The following NLRP13 variants were observed in gnomAD, a reference collection of about 807,000 sequenced individuals.
NLRP13 encodes the protein NLR family pyrin domain containing 13.
In NLRP13, 82 loss-of-function variants were observed where a neutral mutation model predicts 94.4. That is an observed-to-expected ratio of 0.87 (90% CI 0.73 to 1.04). NLRP13 has a LOEUF of 1.04. Among genes scored for constraint, NLRP13 ranks in the 50% least tolerant of loss-of-function variants. The pLI is 0.00. For missense variants in NLRP13, 1,426 were observed against 1,230.8 expected (o/e 1.16, Z -2.37); for synonymous variants, 553 against 464.7 (o/e 1.19, Z -2.45).
At chr19:55,898,644 T>G (rs302826) in intron 10 of NLRP13, 126 bp downstream of exon 10, 7 of 1,031,248 alleles carry the variant, frequency 6.8e-6, no homozygotes, top group African/African-American at 3.3e-5. Context: ...CACACCTGGG[T>G]GAGATTTCTT....
At chr19:55,926,564 C>A (rs982816679) in intron 1 of NLRP13, among the ~76,000 whole-genome samples, 1 of 152,162 alleles carries the variant, frequency 6.6e-6, no homozygotes, top group Non-Finnish European at 1.5e-5. Context: ...TTACTCCCCC[C>A]AGGCTCCATA....
chr19:55,896,343 T>TTTAATA (rs1358272578), intron 10 of NLRP13, among the ~76,000 whole-genome samples: 5 of 151,396 alleles, frequency 3.3e-5, no homozygotes, highest in Non-Finnish European at 7.4e-5. Context: ...GGCAACATGG[T>TTTAATA]GAAACCCCAT....
chr19:55,928,498 C>T (rs1045747157), intron 1 of NLRP13, among the ~76,000 whole-genome samples: 1 of 152,134 alleles, frequency 6.6e-6, no homozygotes, highest in Non-Finnish European at 1.5e-5. Context: ...GTGACTATTA[C>T]CCAATGCATG....
At chr19:55,902,264 T>TTTTTCTGA in intron 8 of NLRP13, 59 bp from the exon 9 acceptor site, 1 of 1,507,770 alleles carries the variant, frequency 6.6e-7, no homozygotes, top group Non-Finnish European at 9.1e-7. Context: ...CCCAGGCTCC[T>TTTTTCTGA]GGAACAGAGC....
At chr19:55,896,820 C>CAAAAAAAAAAAA (rs3073244) in intron 10 of NLRP13, among the ~76,000 whole-genome samples, 1 of 80,914 alleles carries the variant, frequency 1.2e-5, no homozygotes, top group Non-Finnish European at 2.5e-5. Flanking sequence ...CTCCATCTCA[C>CAAAAAAAAAAAA]AAAAAAAAAA....
rs201596702 is a variant in NLRP13 at position 55,902,124 on chromosome 19, C to T, written c.2700G>A (p.Leu900=). ...ALLQNRSLTH[L]NLSKNSLRDE... is the part of the protein sequence containing the mutation. ...CTCTCAGGCTGTTCTTGCTCAGATT[C>T]AGGTGTGTCAGGCTCCTGTTCTGCA... Residue 900 remains leucine, a synonymous_variant, in exon 9 of 11, where the codon CTG becomes CTA. Coordinates refer to ENST00000342929, the MANE Select transcript of NLRP13 (RefSeq NM_176810.2). The T allele has an allele frequency of 2.9e-5, 47 of 1,614,126 alleles. No individual in the cohort carries two copies. Among genetic ancestry groups the T allele is most frequent in the Non-Finnish European group, 3.9e-5 (46 of 1,180,014 alleles).
At chr19:55,929,815 T>A (rs1172645883) in intron 1 of NLRP13, among the ~76,000 whole-genome samples, 2 of 150,764 alleles carry the variant, frequency 1.3e-5, no homozygotes, top group African/African-American at 4.9e-5. Context: ...AAAGATAAAA[T>A]CAGAAATCAA....
chr19:55,924,964 C>G lies in NLRP13; in HGVS notation c.388+3G>C. The G allele has an allele frequency of 6.2e-7, 1 of 1,613,678 alleles. No homozygotes were observed. The highest frequency in any genetic ancestry group is 8.5e-7 in the Non-Finnish European group (1 of 1,179,564). ...CATTATCAACTTAAAGTAGTGTACACACCTGCTGCTGCTTCTAGCATCTCT... is the reference window on the plus strand; with the variant it reads ...CATTATCAACTTAAAGTAGTGTACAGACCTGCTGCTGCTTCTAGCATCTCT... On this transcript the variant is annotated splice_donor_region_variant and intron_variant, in intron 2 of 10. Transcript: ENST00000342929.
At position 55,913,200 on chromosome 19, in the gene NLRP13, T is replaced by C; in HGVS notation, c.617A>G (p.Asn206Ser). ...TTCCTCATGTTCGTCCTTTGATGTA[T>C]TACGGATATATACGTGGTCTTTAGG... The part of the protein sequence containing the change: ...SWPKDHVYIR[N>S]TSKDEHEELQ... The change falls in exon 5 of 11, where the codon AAT (asparagine) becomes AGT (serine). Residue 206 changes from asparagine (N) to serine (S), a missense_variant. By Grantham distance (46) the Asn-to-Ser change is conservative. Coordinates refer to ENST00000342929, the MANE Select transcript of NLRP13 (RefSeq NM_176810.2). The C allele has an allele frequency of 1.2e-6, 2 of 1,614,074 alleles. No homozygotes were observed. Among genetic ancestry groups the C allele is most frequent in the Non-Finnish European group, 1.7e-6 (2 of 1,180,006 alleles).
At chr19:55,931,459 A>C (rs550251897) in intron 1 of NLRP13, among the ~76,000 whole-genome samples, 26 of 152,136 alleles carry the variant, frequency 1.7e-4, no homozygotes, top group African/African-American at 6.3e-4. Flanking sequence ...CTGTAATCCC[A>C]GTGCTTTGGG....
At chr19:55,922,317 GTTT>G (rs895226614) in intron 4 of NLRP13, among the ~76,000 whole-genome samples, 10 of 151,678 alleles carry the variant, frequency 6.6e-5, no homozygotes, top group Non-Finnish European at 1.5e-4. Flanking sequence ...TTTTATTGTT[GTTT>G]TTTGTTTTTT....
At chr19:55,919,462 C>T (rs1334050920) in intron 4 of NLRP13, among the ~76,000 whole-genome samples, 4 of 151,766 alleles carry the variant, frequency 2.6e-5, no homozygotes, top group African/African-American at 7.2e-5. Context: ...ATCTAGAAAA[C>T]TCTAAAGACT....
chr19:55,901,715 C>T (rs1008166021), intron 9 of NLRP13, among the ~76,000 whole-genome samples: 1 of 152,150 alleles, frequency 6.6e-6, no homozygotes, highest in African/African-American at 2.4e-5. Context: ...GACTCTGTCC[C>T]AAGCCCCTTT....
At chr19:55,924,755 C>A in intron 2 of NLRP13, 97 bp from the exon 3 acceptor site, 1 of 1,071,704 alleles carries the variant, frequency 9.3e-7, no homozygotes, top group Non-Finnish European at 1.4e-6. Flanking sequence ...TTTTCTATGG[C>A]AAACGGGATT....
At chr19:55,896,591 G>C (rs1457575530) in intron 10 of NLRP13, among the ~76,000 whole-genome samples, 1 of 151,322 alleles carries the variant, frequency 6.6e-6, no homozygotes, top group South Asian at 2.1e-4. Flanking sequence ...GGCTGAGGTG[G>C]GTGGATCACA....
chr19:55,929,544 A>G (rs1303971036), intron 1 of NLRP13, among the ~76,000 whole-genome samples: 1 of 152,182 alleles, frequency 6.6e-6, no homozygotes, highest in South Asian at 2.1e-4. Flanking sequence ...CAAACACCGC[A>G]TGTTCTCATT....
At chr19:55,917,756 A>T (rs929750338) in intron 4 of NLRP13, among the ~76,000 whole-genome samples, 2 of 151,708 alleles carry the variant, frequency 1.3e-5, no homozygotes, top group South Asian at 2.1e-4. Flanking sequence ...TCCATACCAG[A>T]GTACCTAGAT....
rs1243618010 is a variant in NLRP13, at chr19:55,898,203, TTTG to T, written c.2957+564_2957+566del. Among the ~76,000 whole-genome samples the T allele has an allele frequency of 1.1e-3, 30 of 28,182 alleles. 1 individual carries two copies. In the South Asian group the frequency reaches 0.012, roughly 11 times the overall value. The allele number at this position is 28,182 out of a possible 152,430, so 18.5% of individuals were successfully genotyped here. On this transcript the variant is annotated intron_variant, in intron 10 of 10. Transcript: ENST00000342929. ...ATCATCTAGCAGGAGAGTTTTTGTTTTTGTTTTTGTTTTTTTTTTTTTTGAGAT... is the reference window on the plus strand; with the variant it reads ...ATCATCTAGCAGGAGAGTTTTTGTTTTTTTTGTTTTTTTTTTTTTTGAGAT...
At chr19:55,926,394 C>T (rs1020982530) in intron 1 of NLRP13, among the ~76,000 whole-genome samples, 3 of 152,196 alleles carry the variant, frequency 2.0e-5, no homozygotes, top group Non-Finnish European at 2.9e-5. Flanking sequence ...TTTGCAAGGA[C>T]ATGAAGGAAT....
Sources: allele counts gnomAD v4.1 joint callset (sites outside exome capture counted in the v4.1 genomes callset), GRCh38; gene constraint gnomAD v4.1.1; transcripts MANE v1.5; gene names NCBI Gene and HGNC (gene_info 2026-07-23, HGNC 2026-07-21).